PTPRM: variants seen among roughly 807,000 people sequenced by gnomAD.
The protein encoded by PTPRM is receptor-type tyrosine-protein phosphatase mu.
Under a neutral mutation model 186.7 loss-of-function variants are expected in PTPRM, and 47 were observed. The ratio of observed to expected loss-of-function variants is 0.25; its 90% CI spans 0.20 to 0.32. The LOEUF is 0.32. Ranked by LOEUF, PTPRM falls within the 10% of genes least tolerant of loss-of-function variation. The probability of loss-of-function intolerance (pLI) is 1.00; values close to 1 mark genes in which losing one functional copy is unlikely to be tolerated. For missense variants in PTPRM, 1,494 were observed against 1,865.0 expected (o/e 0.80, Z 3.66); for synonymous variants, 668 against 674.9 (o/e 0.99, Z 0.16).
intron 5 of PTPRM, among the ~76,000 whole-genome samples, chr18:7,945,562 A>G (rs971001155): frequency 6.6e-6 from 1 of 152,204 alleles, no homozygotes; most frequent in African/African-American, 2.4e-5. Flanking sequence ...TTACTGAAAG[A>G]AATAAATTTC....
chr18:8,366,290 G>C (rs2095628857), intron 23 of PTPRM, among the ~76,000 whole-genome samples: 1 of 152,148 alleles, frequency 6.6e-6, no homozygotes, highest in Non-Finnish European at 1.5e-5. Flanking sequence ...CAGCTGTGCT[G>C]TCTCAATCCT....
At chr18:8,368,655 A>G (rs2095646681) in intron 23 of PTPRM, among the ~76,000 whole-genome samples, 1 of 152,212 alleles carries the variant, frequency 6.6e-6, no homozygotes, top group Non-Finnish European at 1.5e-5. Flanking sequence ...ATAACCAGCC[A>G]CATAGCTCAT....
intron 9 of PTPRM, among the ~76,000 whole-genome samples, chr18:8,083,609 G>A (rs1010241372): frequency 6.6e-6 from 1 of 152,014 alleles, no homozygotes; most frequent in African/African-American, 2.4e-5. Context: ...TTTACTTACT[G>A]TATGCCTCCC....
At position 8,132,480 on chromosome 18, in the gene PTPRM, G is replaced by C. The variant is rs997781863; in HGVS notation, c.2168-11167G>C. Among the ~76,000 whole-genome samples, 4 of 152,064 alleles carry C rather than the reference G, an allele frequency of 2.6e-5. No individual in the cohort carries two copies. In the East Asian group the frequency reaches 7.7e-4, roughly 29 times the overall value. On this transcript the variant is annotated intron_variant, in intron 13 of 32. Coordinates refer to ENST00000580170, the MANE Select transcript of PTPRM (RefSeq NM_001105244.2). ...ATGGTAGGATCATAGGACTGCAATA[G>C]CCATTTTGTTAAATAAAATTACTTT...
At chr18:7,859,314 ATCCCCC>A (rs2047236584) in intron 2 of PTPRM, among the ~76,000 whole-genome samples, 1 of 152,008 alleles carries the variant, frequency 6.6e-6, no homozygotes, top group Admixed American at 6.5e-5. Context: ...TGCTTCCCTG[ATCCCCC>A]TCTAGGGAAA....
At chr18:8,280,786 T>G (rs1461007442) in intron 19 of PTPRM, among the ~76,000 whole-genome samples, 1 of 152,086 alleles carries the variant, frequency 6.6e-6, no homozygotes, top group East Asian at 1.9e-4. Context: ...ACAATGGCTG[T>G]GCAGTGATTA....
chr18:8,003,412 G>A (rs1353457505), intron 7 of PTPRM, among the ~76,000 whole-genome samples: 3 of 152,144 alleles, frequency 2.0e-5, no homozygotes, highest in Non-Finnish European at 4.4e-5. Context: ...ATGTTTATTA[G>A]CAGCATGAGA....
intron 2 of PTPRM, among the ~76,000 whole-genome samples, chr18:7,864,994 T>C (rs942888373): frequency 1.3e-5 from 2 of 152,200 alleles, no homozygotes; most frequent in Non-Finnish European, 2.9e-5. Context: ...TTTGGCTCTC[T>C]GTTTGTCTAT....
chr18:7,613,518 C>T (rs893884766), intron 1 of PTPRM, among the ~76,000 whole-genome samples: 1 of 152,002 alleles, frequency 6.6e-6, no homozygotes, highest in East Asian at 1.9e-4. Context: ...ACTAAAAATA[C>T]AAAAATTAGC....
chr18:8,015,506 A>G (rs1273368370), intron 7 of PTPRM, among the ~76,000 whole-genome samples: 2 of 152,194 alleles, frequency 1.3e-5, no homozygotes, highest in Non-Finnish European at 2.9e-5. Context: ...ACTCTGGATA[A>G]CACTTGGGGA....
At chr18:7,661,433 G>C (rs1339946513) in intron 1 of PTPRM, among the ~76,000 whole-genome samples, 1 of 152,228 alleles carries the variant, frequency 6.6e-6, no homozygotes, top group Non-Finnish European at 1.5e-5. Flanking sequence ...CCTTAGCCCT[G>C]ACTGAATTCT....
At chr18:8,170,983 G>A (rs2093391911) in intron 14 of PTPRM, among the ~76,000 whole-genome samples, 1 of 152,214 alleles carries the variant, frequency 6.6e-6, no homozygotes, top group Non-Finnish European at 1.5e-5. Context: ...TTTCTGTTGA[G>A]CACAGTCTTC....
chr18:8,276,016 C>A (rs1363659303), intron 19 of PTPRM, among the ~76,000 whole-genome samples: 1 of 152,086 alleles, frequency 6.6e-6, no homozygotes, highest in African/African-American at 2.4e-5. Flanking sequence ...CATTTTCCCT[C>A]AATTCCACGC....
chr18:7,593,205 A>T (rs1185182818), intron 1 of PTPRM, among the ~76,000 whole-genome samples: 1 of 152,168 alleles, frequency 6.6e-6, no homozygotes, highest in East Asian at 1.9e-4. Flanking sequence ...GGTTTGTTTC[A>T]AGGGCACAGC....
chr18:8,330,522 G>A (rs1413578735), intron 22 of PTPRM, among the ~76,000 whole-genome samples: 3 of 152,178 alleles, frequency 2.0e-5, no homozygotes, highest in Non-Finnish European at 4.4e-5. Flanking sequence ...AGAGACTAAT[G>A]AAAGCTTTTA....
chr18:7,868,916 G>C (rs912661473), intron 2 of PTPRM, among the ~76,000 whole-genome samples: 1 of 152,234 alleles, frequency 6.6e-6, no homozygotes, highest in African/African-American at 2.4e-5. Context: ...GGAAGCTAGA[G>C]AGGCAGTCTG....
intron 23 of PTPRM, among the ~76,000 whole-genome samples, chr18:8,356,651 G>A (rs1438409235): frequency 6.6e-6 from 1 of 152,184 alleles, no homozygotes; most frequent in Non-Finnish European, 1.5e-5. Flanking sequence ...GTGTTCGCCT[G>A]GAATGGGAGT....
intron 2 of PTPRM, among the ~76,000 whole-genome samples, chr18:7,810,599 G>T (rs1480285913): frequency 1.3e-5 from 2 of 152,154 alleles, no homozygotes; most frequent in African/African-American, 4.8e-5. Flanking sequence ...TTAGTAGCTT[G>T]TGTGTGTTGG....
intron 1 of PTPRM, among the ~76,000 whole-genome samples, chr18:7,719,669 G>A (rs2040410377): frequency 6.6e-6 from 1 of 152,216 alleles, no homozygotes; most frequent in Admixed American, 6.5e-5. Flanking sequence ...AATAAGAGAG[G>A]CATTCCTATT....
Sources: gnomAD v4.1 joint callset for allele counts (sites outside exome capture counted in the v4.1 genomes callset) on GRCh38, gnomAD v4.1.1 for gene constraint, MANE v1.5 for transcripts, NCBI Gene and HGNC (gene_info 2026-07-23, HGNC 2026-07-21) for gene names.